WWOX: variants seen among roughly 807,000 people sequenced by gnomAD.
WWOX encodes the protein WW domain-containing oxidoreductase.
WWOX carries 69 observed loss-of-function variants against 46.2 expected under a neutral mutation model. The observed-to-expected ratio is 1.49, with a 90% confidence interval of 1.23 to 1.82. The LOEUF is 1.82. Among genes scored for constraint, WWOX ranks in the 40% most tolerant of loss-of-function variants. WWOX has a pLI of 0.00. For missense variants in WWOX, 919 were observed against 542.6 expected (o/e 1.69, Z -6.89); for synonymous variants, 359 against 202.6 (o/e 1.77, Z -6.56).
At chr16:79,157,918 T>C (rs1325598906) in intron 8 of WWOX, among the ~76,000 whole-genome samples, 1 of 152,148 alleles carries the variant, frequency 6.6e-6, no homozygotes, top group Non-Finnish European at 1.5e-5. Context: ...TTCTGGTACC[T>C]GGCCCTGGGT....
At chr16:78,958,251 T>C (rs1376835287) in intron 8 of WWOX, among the ~76,000 whole-genome samples, 2 of 152,234 alleles carry the variant, frequency 1.3e-5, no homozygotes, top group Non-Finnish European at 2.9e-5. Context: ...TTTATTGAAA[T>C]GGTCCTTTTA....
At chr16:78,331,295 G>A (rs1372114034) in intron 5 of WWOX, among the ~76,000 whole-genome samples, 1 of 152,178 alleles carries the variant, frequency 6.6e-6, no homozygotes, top group African/African-American at 2.4e-5. Flanking sequence ...TTTTCAAAAT[G>A]ATAGTTAAGG....
intron 8 of WWOX, among the ~76,000 whole-genome samples, chr16:79,198,207 A>G (rs2051278557): frequency 1.3e-5 from 2 of 152,016 alleles, no homozygotes; most frequent in African/African-American, 2.4e-5. Context: ...GCATGGTGGC[A>G]TGTGCCTGCA....
chr16:78,146,124 G>C (rs1194797531), intron 4 of WWOX, among the ~76,000 whole-genome samples: 1 of 152,066 alleles, frequency 6.6e-6, no homozygotes, highest in East Asian at 1.9e-4. Context: ...AATTCTAGTT[G>C]CGCATGCTTC....
chr16:78,724,074 A>C (rs1161124100), intron 8 of WWOX, among the ~76,000 whole-genome samples: 2 of 152,120 alleles, frequency 1.3e-5, no homozygotes, highest in Non-Finnish European at 2.9e-5. Flanking sequence ...CTCAGATCCA[A>C]CCTCTTTACC....
At chr16:78,203,974 A>G (rs1159369891) in intron 5 of WWOX, among the ~76,000 whole-genome samples, 1 of 152,150 alleles carries the variant, frequency 6.6e-6, no homozygotes, top group Non-Finnish European at 1.5e-5. Flanking sequence ...TTGATGGGTA[A>G]CAAGTGTGTA....
chr16:78,240,254 G>A (rs971613528), intron 5 of WWOX, among the ~76,000 whole-genome samples: 1 of 151,984 alleles, frequency 6.6e-6, no homozygotes, highest in Non-Finnish European at 1.5e-5. Flanking sequence ...TGCGGAGGGG[G>A]CATCACTTGA....
intron 5 of WWOX, among the ~76,000 whole-genome samples, chr16:78,227,136 G>A (rs1445455348): frequency 2.6e-5 from 4 of 152,112 alleles, no homozygotes; most frequent in East Asian, 1.9e-4. Context: ...ATATTACCAC[G>A]AAATCATTTT....
rs1287121221 is a variant in WWOX at position 78,629,577 on chromosome 16, G to C, written c.1056+196825G>C. ...ACAAAATCCTTTCCAGGGCCTGCAA[G>C]ACCCCTGCCAACCTCTGCAGCTTAC... On this transcript the variant is annotated intron_variant, in intron 8 of 8. Transcript: ENST00000566780. Among the ~76,000 whole-genome samples, 26 of 152,134 alleles carry C rather than the reference G, an allele frequency of 1.7e-4. 1 individual carries two copies. Among genetic ancestry groups the C allele is most frequent in the Admixed American group, 1.7e-3 (26 of 15,266 alleles).
intron 8 of WWOX, among the ~76,000 whole-genome samples, chr16:79,076,658 C>T (rs2048663164): frequency 6.6e-6 from 1 of 152,198 alleles, no homozygotes; most frequent in Non-Finnish European, 1.5e-5. Flanking sequence ...TATGGGAAGA[C>T]CACAAACTTG....
chr16:78,626,683 A>C (rs535537598), intron 8 of WWOX, among the ~76,000 whole-genome samples: 1 of 152,246 alleles, frequency 6.6e-6, no homozygotes, highest in East Asian at 1.9e-4. Flanking sequence ...TGCTGTGCCC[A>C]GCTCATGCTT....
intron 8 of WWOX, among the ~76,000 whole-genome samples, chr16:78,726,174 T>C (rs2048831759): frequency 6.8e-6 from 1 of 146,720 alleles, no homozygotes; most frequent in East Asian, 2.0e-4. Flanking sequence ...TGTCTCTCTT[T>C]TCTCTCTCTC....
chr16:78,218,157 C>T (rs909292174), intron 5 of WWOX, among the ~76,000 whole-genome samples: 12 of 152,100 alleles, frequency 7.9e-5, no homozygotes, highest in Admixed American at 1.3e-4. Context: ...CAGACTGAAG[C>T]GATCCTCCTG....
intron 8 of WWOX, among the ~76,000 whole-genome samples, chr16:78,722,542 A>G (rs2048717816): frequency 6.6e-6 from 1 of 152,144 alleles, no homozygotes; most frequent in African/African-American, 2.4e-5. Context: ...GTTCAGTAAG[A>G]GTACAAAGCG....
At chr16:78,919,989 C>G (rs2045341374) in intron 8 of WWOX, among the ~76,000 whole-genome samples, 1 of 152,202 alleles carries the variant, frequency 6.6e-6, no homozygotes. Context: ...GCCTCCTTCT[C>G]ATGCTTTTGG....
chr16:78,858,464 C>A (rs1419758114), intron 8 of WWOX, among the ~76,000 whole-genome samples: 1 of 151,596 alleles, frequency 6.6e-6, no homozygotes, highest in South Asian at 2.1e-4. Flanking sequence ...CATGTATTAT[C>A]ATGTCTTTAA....
At chr16:78,370,984 T>C (rs1239000738) in intron 5 of WWOX, among the ~76,000 whole-genome samples, 2 of 150,808 alleles carry the variant, frequency 1.3e-5, no homozygotes, top group Non-Finnish European at 3.0e-5. Flanking sequence ...TGATTTCTTT[T>C]TTTTTTTTTT....
At chr16:78,920,340 T>C (rs558219832) in intron 8 of WWOX, among the ~76,000 whole-genome samples, 18 of 152,328 alleles carry the variant, frequency 1.2e-4, no homozygotes, top group African/African-American at 4.3e-4. Flanking sequence ...TAAATAATAA[T>C]GCACAATAAC....
chr16:78,422,886 T>C (rs559972062), intron 6 of WWOX, among the ~76,000 whole-genome samples: 2,115 of 125,118 alleles, frequency 0.017, 229 homozygotes, highest in African/African-American at 0.07. Context: ...CACACACACA[T>C]ATATTTTTTT....
Sources: allele counts gnomAD v4.1 joint callset (sites outside exome capture counted in the v4.1 genomes callset), GRCh38; gene constraint gnomAD v4.1.1; transcripts MANE v1.5; gene names NCBI Gene and HGNC (gene_info 2026-07-23, HGNC 2026-07-21).